PSMD3: variants seen among roughly 807,000 people sequenced by gnomAD.
The protein encoded by PSMD3 is proteasome 26S subunit, non-ATPase 3.
In PSMD3, 5 loss-of-function variants were observed where a neutral mutation model predicts 62.8. The observed-to-expected ratio is 0.08, with a 90% CI of 0.04 to 0.17. The LOEUF (loss-of-function observed/expected upper bound fraction) is 0.17, where lower values mean the gene tolerates loss of function less well. PSMD3 is among the 10% of genes least tolerant of loss of function. The probability of loss-of-function intolerance (pLI) is 1.00; values close to 1 mark genes in which losing one functional copy is unlikely to be tolerated. For missense variants in PSMD3, 524 were observed against 713.6 expected, an observed-to-expected ratio of 0.73 and a Z score of 3.03; for synonymous variants, 265 against 283.9, an observed-to-expected ratio of 0.93 and a Z score of 0.67.
In PSMD3 at chr17:39,981,062, C is replaced by T. The variant is rs2144805179; in HGVS notation, c.92C>T (p.Ala31Val). Residue 31 changes from alanine (A) to valine (V), a missense_variant, in exon 1 of 12, where the codon GCC becomes GTC. Physicochemically the swap from Ala to Val is moderately conservative, Grantham distance 64 (BLOSUM62 0). This residue lies in a region of PSMD3 where 396 missense variants were observed against 475.8 expected (regional missense o/e 0.83). Coordinates refer to ENST00000264639, the MANE Select transcript of PSMD3 (RefSeq NM_002809.4). ...GGEQEPPPPP[A>V]PQDVEMKEEA... ...GAACAAGAACCCCCACCGCCGCCGGCCCCCCAGGATGTGGAGATGAAAGAG... is the reference window on the plus strand; with the variant it reads ...GAACAAGAACCCCCACCGCCGCCGGTCCCCCAGGATGTGGAGATGAAAGAG... The T allele has an allele frequency of 1.9e-6, 3 of 1,550,004 alleles. No individual in the cohort carries two copies. Among genetic ancestry groups the T allele is most frequent in the South Asian group, 2.4e-5 (2 of 84,018 alleles).
At chr17:39,992,816 C>G (rs1218839229) in intron 6 of PSMD3, among the ~76,000 whole-genome samples, 4 of 152,178 alleles carry the variant, frequency 2.6e-5, no homozygotes, top group Admixed American at 2.6e-4. Flanking sequence ...CAACAGTGCA[C>G]TGGCCAGCCC....
intron 6 of PSMD3, chr17:39,993,489 C>G (rs1980709281): frequency 6.6e-6 from 1 of 152,354 alleles, no homozygotes; most frequent in African/African-American, 2.4e-5. Flanking sequence ...GGCCCCCTTA[C>G]CATTCCTTCC....
At position 39,986,696 on chromosome 17, in the gene PSMD3, G is replaced by A. The variant is rs1980534023; in HGVS notation, c.533G>A (p.Ser178Asn). 3.1e-6 allele frequency: 5 copies of A among 1,614,132 alleles called. No individual in the cohort carries two copies. In the East Asian group the frequency reaches 1.1e-4, roughly 36 times the overall value. The change falls in exon 3 of 12, where the codon AGC becomes AAC. Residue 178 changes from serine (S) to asparagine (N), a missense_variant. This residue lies in a region of PSMD3 where 396 missense variants were observed against 475.8 expected (regional missense o/e 0.83). Transcript: ENST00000264639. ...CTCGTGGTCATCTTCATGATGAACA[G>A]CAAGCGCTACAAAGAGGTATCCAGG... is the stretch of plus-strand genomic sequence containing the variant. ...QLLVVIFMMNSKRYKEAQKIS... is the reference protein window; with the variant it reads ...QLLVVIFMMNNKRYKEAQKIS...
At chr17:39,988,628 C>T in intron 3 of PSMD3, 55 bp from the exon 4 acceptor site, 2 of 1,595,286 alleles carry the variant, frequency 1.3e-6, no homozygotes, top group Non-Finnish European at 8.6e-7. Context: ...ATGACAACTC[C>T]ATGTTTATCC....
rs905399143 is a variant in PSMD3 at position 39,980,817 on chromosome 17, G to T, written c.-154G>T. 15 of 684,668 alleles carry T rather than the reference G, an allele frequency of 2.2e-5. No homozygotes were observed. The highest frequency in any genetic ancestry group is 3.2e-5 in the Non-Finnish European group (14 of 434,532). 42.4% of individuals were successfully genotyped at this position (684,668 alleles called of 1,614,324 possible). A position where few individuals can be genotyped will look rare whatever the true frequency, so the allele number is the denominator to read the frequency against. The stretch of plus-strand genomic sequence containing the variant: ...GGCCTGGCGTTTCCCAGAAGGCCCA[G>T]CGCCGGGAAGGGGTTTGCAGCTGCT... On this transcript the variant is annotated 5_prime_UTR_variant, in exon 1 of 12. Coordinates refer to ENST00000264639, the MANE Select transcript of PSMD3 (RefSeq NM_002809.4).
rs181359740 is a variant in PSMD3, at chr17:39,984,637, C to T, written c.411+153C>T. Among the ~76,000 whole-genome samples the T allele has an allele frequency of 1.4e-3, 218 of 152,264 alleles. 5 individuals are homozygous for T. In the East Asian group the frequency reaches 0.036, roughly 25 times the overall value. On this transcript the variant is annotated intron_variant, in intron 2 of 11. Coordinates refer to ENST00000264639, the MANE Select transcript of PSMD3 (RefSeq NM_002809.4). ...ATTTGAATACTCATCTGCACAGTGA[C>T]AAGGGAACCGTCCACTGCCCTGTAG... is the stretch of plus-strand genomic sequence containing the variant.
Position 39,981,160 on chromosome 17 carries a change from C to A in PSMD3, c.190C>A (p.Gln64Lys), listed in dbSNP as rs1175336103. Residue 64 changes from glutamine (Q) to lysine (K), a missense_variant, in exon 1 of 12, where the codon CAG becomes AAG. By Grantham distance (53) the Gln-to-Lys change is moderately conservative. This residue lies in a region of PSMD3 where 396 missense variants were observed against 475.8 expected (regional missense o/e 0.83). Transcript: ENST00000264639. ...KTAAAAAEHS[Q>K]RELDTVTLED... ...GGCGGCGGCAGCGGCTGAGCACTCCCAGCGAGAGCTGGACACAGTCACCTT... is the reference window on the plus strand; with the variant it reads ...GGCGGCGGCAGCGGCTGAGCACTCCAAGCGAGAGCTGGACACAGTCACCTT... The A allele has an allele frequency of 6.4e-7, 1 of 1,550,722 alleles. No individual in the cohort carries two copies. The highest frequency in any genetic ancestry group is 1.2e-5 in the South Asian group (1 of 84,056).
intron 4 of PSMD3, 91 bp downstream of exon 4, chr17:39,988,910 G>A: frequency 6.6e-7 from 1 of 1,504,386 alleles, no homozygotes; most frequent in South Asian, 1.2e-5. Context: ...AGAGGGCGAA[G>A]AACCTGTAGA....
Position 39,996,353 on chromosome 17 carries a change from G to A in PSMD3, c.1476+15G>A. Reference sequence around the variant, plus strand: ...TGTCTGTCAAGGTGAGAAGCCCGTGGCTGCAGAGTCACGCCTGGCAGCAGC... The same window carrying A: ...TGTCTGTCAAGGTGAGAAGCCCGTGACTGCAGAGTCACGCCTGGCAGCAGC... On this transcript the variant is annotated intron_variant, in intron 10 of 11. Transcript: ENST00000264639. The surrounding 1 kb of genome is among the most constrained non-coding windows in gnomAD (Gnocchi z 5.1). 3 of 1,611,836 alleles carry A rather than the reference G, an allele frequency of 1.9e-6. No homozygotes were observed. Among genetic ancestry groups the A allele is most frequent in the Non-Finnish European group, 2.5e-6 (3 of 1,178,884 alleles).
chr17:39,986,849 G>C (rs930492683), intron 3 of PSMD3, 137 bp downstream of exon 3: 8 of 1,227,062 alleles, frequency 6.5e-6, no homozygotes, highest in Non-Finnish European at 7.9e-6. Flanking sequence ...CCCCATAGAG[G>C]TATGCGTTTG....
Position 39,996,140 on chromosome 17 carries a change from A to C in PSMD3, c.1321-43A>C, listed in dbSNP as rs370362260. ...CATCTCAAAAAAAAAAAAAAAGAAG[A>C]AGCTGGGTGTGCTGGTGAACTTTCC... On this transcript the variant is annotated intron_variant, in intron 9 of 11. Coordinates refer to ENST00000264639, the MANE Select transcript of PSMD3 (RefSeq NM_002809.4). The surrounding 1 kb of genome is among the most constrained non-coding windows in gnomAD (Gnocchi z 5.1). 375 of 1,600,760 alleles carry C rather than the reference A, an allele frequency of 2.3e-4. No individual in the cohort carries two copies. The highest frequency in any genetic ancestry group is 8.8e-4 in the Middle Eastern group (5 of 5,660).
intron 1 of PSMD3, among the ~76,000 whole-genome samples, chr17:39,981,837 G>GTAAT (rs1173915800): frequency 8.8e-6 from 1 of 113,308 alleles, no homozygotes; most frequent in Non-Finnish European, 1.8e-5. Flanking sequence ...GTTTGGTTTT[G>GTAAT]TAATACTCAA....
chr17:39,980,896 C>G lies in PSMD3; in HGVS notation c.-75C>G, dbSNP rs2144804977. ...GCGCTCGTGTGCAGGCCCGGCTCGGCTCCTGGTCCCCGGTGCGAGGGTTAA... is the reference window on the plus strand; with the variant it reads ...GCGCTCGTGTGCAGGCCCGGCTCGGGTCCTGGTCCCCGGTGCGAGGGTTAA... On this transcript the variant is annotated 5_prime_UTR_variant, in exon 1 of 12. Coordinates refer to ENST00000264639, the MANE Select transcript of PSMD3 (RefSeq NM_002809.4). The G allele has an allele frequency of 1.5e-6, 2 of 1,332,594 alleles. No homozygotes were observed. Among genetic ancestry groups the G allele is most frequent in the South Asian group, 3.1e-5 (2 of 65,468 alleles). 82.5% of individuals were successfully genotyped at this position (1,332,594 alleles called of 1,614,324 possible).
rs943109862 is a variant in PSMD3 at position 39,986,825 on chromosome 17, C to T, written c.549+113C>T. 5.2e-6 allele frequency: 7 copies of T among 1,345,670 alleles called. No individual in the cohort carries two copies. In the South Asian group the frequency reaches 7.9e-5, roughly 15 times the overall value. 83.4% of individuals were successfully genotyped at this position (1,345,670 alleles called of 1,614,324 possible). On this transcript the variant is annotated intron_variant, in intron 3 of 11. Coordinates refer to ENST00000264639, the MANE Select transcript of PSMD3 (RefSeq NM_002809.4). ...ATAATCATTGATTCTTAAGAACTGT[C>T]CCCCACACTCTTTCCCCATAGAGGT...
Position 39,994,888 on chromosome 17 carries a change from C to T in PSMD3, c.982-66C>T, listed in dbSNP as rs929512595. ...ACTACATCTGGCAGAATTTAGGCCA[C>T]ATTTCATTTTCTTCTTCCGCCCATG... On this transcript the variant is annotated intron_variant, in intron 6 of 11. Coordinates refer to ENST00000264639, the MANE Select transcript of PSMD3 (RefSeq NM_002809.4). 7.2e-6 allele frequency: 10 copies of T among 1,397,192 alleles called. No individual in the cohort carries two copies. In the African/African-American group the frequency reaches 1.3e-4, roughly 18 times the overall value. The allele number at this position is 1,397,192 out of a possible 1,614,324, so 86.5% of individuals were successfully genotyped here. A position where few individuals can be genotyped will look rare whatever the true frequency, so the allele number is the denominator to read the frequency against.
chr17:39,988,432 G>C (rs745725397), intron 3 of PSMD3, among the ~76,000 whole-genome samples: 1 of 152,174 alleles, frequency 6.6e-6, no homozygotes, highest in African/African-American at 2.4e-5. Context: ...TTAAGGCTGA[G>C]TAATATTCCC....
intron 5 of PSMD3, 78 bp from the exon 6 acceptor site, chr17:39,990,016 C>T: frequency 2.5e-6 from 4 of 1,589,096 alleles, no homozygotes; most frequent in Non-Finnish European, 3.4e-6. Flanking sequence ...ATAAGAGGCC[C>T]ATTTGGCACC....
In PSMD3 at chr17:39,997,557, A is replaced by G; in HGVS notation, c.1581A>G (p.Glu527=). The change falls in exon 12 of 12, where the codon GAA becomes GAG. Residue 527 remains glutamate, a synonymous_variant. Transcript: ENST00000264639. The part of the protein sequence containing the change: ...QDLEFAKEMA[E]DDDDSFP ...TGGAGTTTGCCAAGGAGATGGCAGA[A>G]GATGATGATGACAGCTTCCCTTGAG... The G allele has an allele frequency of 6.4e-7, 1 of 1,563,014 alleles. No homozygotes were observed. The highest frequency in any genetic ancestry group is 8.7e-7 in the Non-Finnish European group (1 of 1,147,578).
At chr17:39,988,548 A>C in intron 3 of PSMD3, 135 bp from the exon 4 acceptor site, 1 of 1,032,636 alleles carries the variant, frequency 9.7e-7, no homozygotes, top group Non-Finnish European at 1.4e-6. Context: ...ATTCGTGTAC[A>C]TGCTTTTATG....
Sources: gnomAD v4.1 joint callset for allele counts (sites outside exome capture counted in the v4.1 genomes callset) on GRCh38, gnomAD v4.1.1 for gene constraint, gnomAD v4.1.1 regional missense constraint, Gnocchi (gnomAD v3.1) non-coding constraint, MANE v1.5 for transcripts, NCBI Gene and HGNC (gene_info 2026-07-23, HGNC 2026-07-21) for gene names.